Variants in AHCTF1 observed in about 807,000 individuals in gnomAD.
AHCTF1 encodes protein ELYS.
A neutral mutation model predicts 248.4 loss-of-function variants in AHCTF1; 24 were observed. The observed-to-expected ratio is 0.10, with a 90% CI of 0.07 to 0.14. The LOEUF (loss-of-function observed/expected upper bound fraction) is 0.14, where lower values mean the gene tolerates loss of function less well. Among genes scored for constraint, AHCTF1 ranks in the 10% least tolerant of loss-of-function variants. The pLI is 1.00. For synonymous variants in AHCTF1, 786 were observed against 929.8 expected (o/e 0.85, Z 2.81); for missense variants, 2,206 against 2,636.2 (o/e 0.84, Z 3.57).
At position 246,895,826 on chromosome 1, in the gene AHCTF1, G is replaced by T. The variant is rs190284983; in HGVS notation, c.1714+9C>A. The stretch of plus-strand genomic sequence containing the variant: ...ATACCAAACATTTTACTTGTTATCA[G>T]AATCTTACCTTCTGTTATCCATCTT... On this transcript the variant is annotated intron_variant, in intron 13 of 35. Transcript: ENST00000648844. 2.2e-4 allele frequency: 358 copies of T among 1,596,460 alleles called. 3 individuals are homozygous for T. In the Admixed American group the frequency reaches 5.9e-3, roughly 26 times the overall value.
At chr1:246,899,683 A>G (rs1309269662) in intron 10 of AHCTF1, among the ~76,000 whole-genome samples, 171 bp from the exon 11 acceptor site, 1 of 152,162 alleles carries the variant, frequency 6.6e-6, no homozygotes, top group Non-Finnish European at 1.5e-5. Flanking sequence ...TAACAAACCT[A>G]TTACACAGCA....
chr1:246,858,431 G>A (rs1005198240), intron 29 of AHCTF1, among the ~76,000 whole-genome samples: 3 of 152,130 alleles, frequency 2.0e-5, no homozygotes, highest in African/African-American at 4.8e-5. Context: ...GTTATACTGC[G>A]TATCCCAGCT....
At chr1:246,843,997 A>G in intron 33 of AHCTF1, 69 bp from the exon 34 acceptor site, 1 of 1,109,260 alleles carries the variant, frequency 9.0e-7, no homozygotes, top group Non-Finnish European at 1.2e-6. Flanking sequence ...CACAATAAAA[A>G]CCTGGAACAA....
intron 12 of AHCTF1, 109 bp downstream of exon 12, chr1:246,898,099 A>T: frequency 6.8e-7 from 1 of 1,462,244 alleles, no homozygotes; most frequent in Non-Finnish European, 9.4e-7. Flanking sequence ...AGTCAGCATT[A>T]CACTACTTCA....
At chr1:246,925,935 C>A (rs1163666678) in intron 1 of AHCTF1, among the ~76,000 whole-genome samples, 2 of 151,916 alleles carry the variant, frequency 1.3e-5, no homozygotes, top group Non-Finnish European at 2.9e-5. Context: ...TGTGGTGGCG[C>A]CTGCCTGTAG....
chr1:246,886,990 T>A (rs1009094350), intron 20 of AHCTF1, among the ~76,000 whole-genome samples: 1 of 152,230 alleles, frequency 6.6e-6, no homozygotes, highest in African/African-American at 2.4e-5. Flanking sequence ...TACTTACTTA[T>A]TAGTTTCCTT....
At chr1:246,855,518 A>G (rs1407115935) in intron 31 of AHCTF1, among the ~76,000 whole-genome samples, 1 of 152,216 alleles carries the variant, frequency 6.6e-6, no homozygotes, top group African/African-American at 2.4e-5. Context: ...TTTGAATATT[A>G]GAGCCACAGA....
chr1:246,848,513 T>G (rs1381847581), intron 33 of AHCTF1, among the ~76,000 whole-genome samples: 1 of 151,418 alleles, frequency 6.6e-6, no homozygotes, highest in Non-Finnish European at 1.5e-5. Context: ...GTCATCTACT[T>G]TATTTATAAG....
Position 246,855,748 on chromosome 1 carries a change from T to C in AHCTF1, c.4336A>G (p.Arg1446Gly), listed in dbSNP as rs1661066283. 16 of 1,612,132 alleles carry C rather than the reference T, an allele frequency of 9.9e-6. No individual in the cohort carries two copies. The South Asian group carries it at 1.7e-4, about 17-fold the overall frequency. ...TACATACATTTATTGTCATTTGCTC[T>C]AATTGCAGGGGTGTAGGTTTCAACA... ...TSVETYTPAI[R>G]ANDNKSMADV... The change falls in exon 31 of 36, where the codon AGA (arginine) becomes GGA (glycine). Residue 1446 changes from arginine (R) to glycine (G), a missense_variant. By Grantham distance (125) the Arg-to-Gly change is moderately radical. This residue lies in a region of AHCTF1 where 955 missense variants were observed against 1,055.6 expected (regional missense o/e 0.90). Transcript: ENST00000648844.
intron 33 of AHCTF1, among the ~76,000 whole-genome samples, chr1:246,846,235 C>G (rs1173484829): frequency 3.3e-5 from 5 of 151,412 alleles, no homozygotes; most frequent in African/African-American, 1.2e-4. Flanking sequence ...AAAGGACCAC[C>G]TCTAGCCTTC....
In AHCTF1 at chr1:246,879,283, G is replaced by A. The variant is rs565735005; in HGVS notation, c.2661-1981C>T. 3.9e-5 allele frequency among the ~76,000 whole-genome samples: 6 copies of A among 152,206 alleles called. No homozygotes were observed. In the South Asian group the frequency reaches 1.2e-3, roughly 32 times the overall value. Reference sequence around the variant, plus strand: ...TGAGATGAAGAGACAAAAAATATCTGGTACACTGTGTTGATAAAAGACATA... The same window carrying A: ...TGAGATGAAGAGACAAAAAATATCTAGTACACTGTGTTGATAAAAGACATA... On this transcript the variant is annotated intron_variant, in intron 21 of 35. Transcript: ENST00000648844.
At chr1:246,856,673 C>A (rs1661130577) in intron 30 of AHCTF1, among the ~76,000 whole-genome samples, 1 of 152,028 alleles carries the variant, frequency 6.6e-6, no homozygotes. Context: ...CATTAAAATT[C>A]AAAAAACATT....
chr1:246,845,154 G>A (rs144251691), intron 33 of AHCTF1, among the ~76,000 whole-genome samples: 1,530 of 152,318 alleles, frequency 0.01, 19 homozygotes, highest in Middle Eastern at 0.017. Context: ...TACTGGGATA[G>A]TCAAGAGTTC....
At chr1:246,889,260 C>T (rs560585323) in intron 17 of AHCTF1, among the ~76,000 whole-genome samples, 1 of 148,938 alleles carries the variant, frequency 6.7e-6, no homozygotes, top group Non-Finnish European at 1.5e-5. Context: ...TCCCTATTTC[C>T]TTTTCTTTTC....
chr1:246,878,247 A>G (rs1390948060), intron 21 of AHCTF1, among the ~76,000 whole-genome samples: 2 of 151,786 alleles, frequency 1.3e-5, no homozygotes, highest in African/African-American at 4.8e-5. Context: ...AAATACAAAA[A>G]TTAGCTGGGC....
At chr1:246,854,593 C>T (rs544423098) in intron 31 of AHCTF1, among the ~76,000 whole-genome samples, 2 of 152,290 alleles carry the variant, frequency 1.3e-5, no homozygotes, top group South Asian at 2.1e-4. Context: ...AAGAAAGTTG[C>T]TTTTTTGATA....
intron 2 of AHCTF1, among the ~76,000 whole-genome samples, chr1:246,917,993 CATAG>C (rs968644942): frequency 8.6e-5 from 13 of 152,024 alleles, no homozygotes; most frequent in Non-Finnish European, 1.3e-4. Flanking sequence ...ACTTCCCAAA[CATAG>C]ATAATACTAA....
rs751274435 is a variant in AHCTF1 at position 246,885,662 on chromosome 1, A to G, written c.2491T>C (p.Phe831Leu). The G allele has an allele frequency of 1.9e-5, 30 of 1,611,122 alleles. No individual in the cohort carries two copies. Among genetic ancestry groups the G allele is most frequent in the Non-Finnish European group, 2.1e-5 (25 of 1,178,386 alleles). Residue 831 changes from phenylalanine (F) to leucine (L), a missense_variant, in exon 21 of 36, where the codon TTT becomes CTT. Phe to Leu is a conservative substitution (Grantham distance 22). Transcript: ENST00000648844. ...NDYESGLDLL[F>L]HPATAKPLSW... ...AAAGGTTTTGCAGTAGCTGGATGAA[A>G]CAAAAGATCCAAACCACTCTGGAAA...
chr1:246,904,172 T>G (rs1033591463), intron 6 of AHCTF1, 139 bp from the exon 7 acceptor site: 1 of 627,914 alleles, frequency 1.6e-6, no homozygotes, highest in African/African-American at 2.0e-5. Context: ...TAGTTTTCGG[T>G]AATTTTTATA....
Sources: gnomAD v4.1 joint callset for allele counts (sites outside exome capture counted in the v4.1 genomes callset) on GRCh38, gnomAD v4.1.1 for gene constraint, gnomAD v4.1.1 regional missense constraint, MANE v1.5 for transcripts, NCBI Gene and HGNC (gene_info 2026-07-23, HGNC 2026-07-21) for gene names.